ERICH2: variants seen among roughly 807,000 people sequenced by gnomAD.
ERICH2 encodes glutamate-rich protein 2.
ERICH2 carries 17 observed loss-of-function variants against 17.4 expected under a neutral mutation model. The ratio of observed to expected loss-of-function variants is 0.98; its 90% confidence interval spans 0.67 to 1.47. The LOEUF (loss-of-function observed/expected upper bound fraction) is 1.47, where lower values mean the gene tolerates loss of function less well. ERICH2 is among the 40% of genes most tolerant of loss of function. ERICH2 has a pLI of 0.00. For synonymous variants in ERICH2, 51 were observed against 61.1 expected, an observed-to-expected ratio of 0.83 and a Z score of 0.77; for missense variants, 186 against 183.2, an observed-to-expected ratio of 1.01 and a Z score of -0.09.
At chr2:170,777,352 GTT>G in the ERICH2 span, 1 of 1,000,682 alleles carries the variant, frequency 1.0e-6, no homozygotes, top group Non-Finnish European at 1.2e-6. Context: ...AATAATGCTA[GTT>G]TTTATTTCTG....
At chr2:170,772,513 C>T in the ERICH2 span, among the ~76,000 whole-genome samples, 1 of 152,180 alleles carries the variant, frequency 6.6e-6, no homozygotes, top group Non-Finnish European at 1.5e-5. Context: ...TGCTCAAGGT[C>T]ACACAGTTTA....
intron 2 of ERICH2, among the ~76,000 whole-genome samples, chr2:170,785,566 G>A (rs1194844905): frequency 6.6e-6 from 1 of 150,546 alleles, no homozygotes; most frequent in African/African-American, 2.4e-5. Flanking sequence ...ATTACAATAA[G>A]ATGAAATGTA....
chr2:170,779,042 T>G (rs1700970181), upstream of ERICH2, among the ~76,000 whole-genome samples: 1 of 152,222 alleles, frequency 6.6e-6, no homozygotes, highest in African/African-American at 2.4e-5. Flanking sequence ...TAATTTGCTT[T>G]CAGAGGACAA....
chr2:170,792,815 G>A (rs548935415), intron 2 of ERICH2, 48 bp from the exon 8 acceptor site: 3 of 1,233,960 alleles, frequency 2.4e-6, no homozygotes, highest in Non-Finnish European at 3.3e-6. Context: ...GGAGTTTAGA[G>A]TTGACAACAT....
upstream of ERICH2, among the ~76,000 whole-genome samples, chr2:170,783,433 C>T (rs1361219565): frequency 6.6e-6 from 1 of 152,092 alleles, no homozygotes; most frequent in Non-Finnish European, 1.5e-5. Context: ...GCCTGTAGTC[C>T]AGCTACTCAG....
chr2:170,798,066 T>C (rs1575413598), exon 4 of ERICH2: 2 of 1,549,356 alleles, frequency 1.3e-6, no homozygotes, highest in Non-Finnish European at 1.7e-6. Flanking sequence ...CAGAAAATCC[T>C]GAGGCCAAGG....
chr2:170,784,422 C>T (rs1269942102), intron 1 of ERICH2, among the ~76,000 whole-genome samples: 1 of 152,128 alleles, frequency 6.6e-6, no homozygotes, highest in Non-Finnish European at 1.5e-5. Context: ...CTCTGTGTCC[C>T]TCAGTTTCCT....
chr2:170,786,574 A>C (rs577811435), intron 2 of ERICH2, among the ~76,000 whole-genome samples: 1 of 152,200 alleles, frequency 6.6e-6, no homozygotes, highest in South Asian at 2.1e-4. Context: ...TTATTCTTCA[A>C]ATATTTTTTC....
chr2:170,797,809 A>AAT (rs1387787985), intron 3 of ERICH2, among the ~76,000 whole-genome samples: 7 of 151,708 alleles, frequency 4.6e-5, no homozygotes, highest in African/African-American at 1.5e-4. Context: ...AAAAAAAAAA[A>AAT]AAAAAGAAAG....
chr2:170,772,597 T>C, the ERICH2 span, among the ~76,000 whole-genome samples: 1 of 152,242 alleles, frequency 6.6e-6, no homozygotes, highest in Non-Finnish European at 1.5e-5. Flanking sequence ...AAAGGAAATA[T>C]ATAAAATTTA....
intron 2 of ERICH2, among the ~76,000 whole-genome samples, chr2:170,790,397 C>G (rs1201442926): frequency 6.6e-6 from 1 of 152,194 alleles, no homozygotes; most frequent in Non-Finnish European, 1.5e-5. Context: ...GAGGCCAAGG[C>G]AGGCGGATCA....
chr2:170,777,065 G>A, the ERICH2 span: 1 of 153,734 alleles, frequency 6.5e-6, no homozygotes, highest in Admixed American at 6.5e-5. Flanking sequence ...CCAACTGACA[G>A]ACTGTGTTCT....
At chr2:170,776,319 A>C in the ERICH2 span, among the ~76,000 whole-genome samples, 2 of 152,208 alleles carry the variant, frequency 1.3e-5, no homozygotes, top group African/African-American at 4.8e-5. Flanking sequence ...ATAGCTTGAG[A>C]TACTGTGGAA....
exon 2 of ERICH2, chr2:170,784,811 C>A: frequency 6.7e-7 from 1 of 1,503,254 alleles, no homozygotes; most frequent in Non-Finnish European, 8.9e-7. Flanking sequence ...AATACTCAGG[C>A]CCCACTAGAG....
the ERICH2 span, chr2:170,775,664 C>G: frequency 6.6e-6 from 1 of 152,404 alleles, no homozygotes; most frequent in Non-Finnish European, 1.5e-5. Context: ...GTTTGGTCTT[C>G]CACAACTGTG....
chr2:170,777,835 A>T, the ERICH2 span: 2 of 351,120 alleles, frequency 5.7e-6, no homozygotes, highest in African/African-American at 7.6e-5. Context: ...AGCAATTGTT[A>T]CTATAGATAG....
intron 2 of ERICH2, among the ~76,000 whole-genome samples, chr2:170,788,346 A>G (rs1443459447): frequency 2.0e-5 from 3 of 152,246 alleles, no homozygotes; most frequent in Non-Finnish European, 4.4e-5. Flanking sequence ...TATAAAAGTT[A>G]TCCATTAATT....
At chr2:170,796,855 A>G (rs1392051292) in intron 3 of ERICH2, among the ~76,000 whole-genome samples, 3 of 152,200 alleles carry the variant, frequency 2.0e-5, no homozygotes, top group African/African-American at 7.2e-5. Context: ...ATGCAAAATT[A>G]TGAATACTCC....
chr2:170,776,553 T>C, the ERICH2 span, among the ~76,000 whole-genome samples: 1 of 152,178 alleles, frequency 6.6e-6, no homozygotes, highest in Admixed American at 6.5e-5. Flanking sequence ...AATTTTTGTA[T>C]TTTTAGTAGA....
Sources: gnomAD v4.1 joint callset for allele counts (sites outside exome capture counted in the v4.1 genomes callset) on GRCh38, gnomAD v4.1.1 for gene constraint, MANE v1.5 for transcripts, NCBI Gene and HGNC (gene_info 2026-07-23, HGNC 2026-07-21) for gene names.